The following EPM2A variants were observed in gnomAD, a reference collection of about 807,000 sequenced individuals.
EPM2A encodes the protein EPM2A glucan phosphatase, laforin.
A neutral mutation model predicts 26.5 loss-of-function variants in EPM2A; 21 were observed. The ratio of observed to expected loss-of-function variants is 0.79; its 90% CI spans 0.56 to 1.14. EPM2A has a LOEUF of 1.14. Ranked by LOEUF, EPM2A falls within the 50% of genes most tolerant of loss-of-function variation. The pLI, the probability that EPM2A is intolerant of heterozygous loss-of-function variation, is 0.00. For missense variants in EPM2A, 458 were observed against 440.8 expected (o/e 1.04, Z -0.35); for synonymous variants, 217 against 177.6 (o/e 1.22, Z -1.76).
intron 4 of EPM2A, among the ~76,000 whole-genome samples, chr6:145,453,207 G>A (rs993417231): frequency 6.6e-5 from 10 of 152,106 alleles, no homozygotes; most frequent in Admixed American, 3.3e-4. Flanking sequence ...ACAGCGTAAT[G>A]TCATCTTTAA....
chr6:145,512,940 T>C (rs1415430299), intron 2 of EPM2A, among the ~76,000 whole-genome samples: 4 of 151,808 alleles, frequency 2.6e-5, no homozygotes, highest in African/African-American at 9.7e-5. Context: ...GAACTAAACA[T>C]AAGACCTGAA....
At chr6:145,650,006 C>T (rs900587394) in intron 2 of EPM2A, among the ~76,000 whole-genome samples, 2 of 152,028 alleles carry the variant, frequency 1.3e-5, no homozygotes, top group East Asian at 3.9e-4. Flanking sequence ...AGAAAAGAAA[C>T]GTTCATCAAA....
chr6:145,660,933 C>G (rs755314450), intron 2 of EPM2A, among the ~76,000 whole-genome samples: 7 of 151,862 alleles, frequency 4.6e-5, no homozygotes, highest in Non-Finnish European at 8.8e-5. Context: ...ACTTGGACTT[C>G]AATCTCATAT....
At chr6:145,457,481 C>CAAAAA in intron 4 of EPM2A, among the ~76,000 whole-genome samples, 1 of 105,512 alleles carries the variant, frequency 9.5e-6, no homozygotes, top group African/African-American at 3.3e-5. Context: ...GACTCTGTCT[C>CAAAAA]AAAAAAAAAA....
intron 1 of EPM2A, among the ~76,000 whole-genome samples, chr6:145,726,424 CT>C (rs775346509): frequency 1.3e-5 from 2 of 152,078 alleles, no homozygotes; most frequent in Non-Finnish European, 2.9e-5. Context: ...CAGAACATAA[CT>C]TCTCACTTTT....
intron 2 of EPM2A, among the ~76,000 whole-genome samples, chr6:145,615,440 T>A: frequency 6.6e-6 from 1 of 152,116 alleles, no homozygotes; most frequent in East Asian, 1.9e-4. Flanking sequence ...CTCGGGTATG[T>A]CTTTATTAAC....
chr6:145,432,258 T>A (rs541206484), intron 4 of EPM2A, among the ~76,000 whole-genome samples: 1 of 152,222 alleles, frequency 6.6e-6, no homozygotes, highest in East Asian at 1.9e-4. Flanking sequence ...GCATCTAGAA[T>A]GAACTCTTTC....
intron 2 of EPM2A, among the ~76,000 whole-genome samples, chr6:145,593,212 A>T (rs538039191): frequency 1.2e-4 from 18 of 152,278 alleles, no homozygotes; most frequent in African/African-American, 4.3e-4. Flanking sequence ...ATAAAGGAGG[A>T]CATTACATAA....
intron 2 of EPM2A, among the ~76,000 whole-genome samples, chr6:145,677,437 A>G (rs1184200109): frequency 6.6e-6 from 1 of 152,206 alleles, no homozygotes; most frequent in Non-Finnish European, 1.5e-5. Context: ...GGCCAGGACA[A>G]TCAGGCAAGA....
chr6:145,716,556 C>T (rs1775634606), intron 1 of EPM2A, among the ~76,000 whole-genome samples: 1 of 152,296 alleles, frequency 6.6e-6, no homozygotes, highest in Non-Finnish European at 1.5e-5. Flanking sequence ...TCCTCCAGGT[C>T]TCAAGAAAGA....
At chr6:145,488,806 TC>T (rs1264771929) in intron 4 of EPM2A, among the ~76,000 whole-genome samples, 13 of 152,330 alleles carry the variant, frequency 8.5e-5, no homozygotes, top group African/African-American at 2.9e-4. Context: ...AGTGCAACTT[TC>T]AATCAAAATA....
Position 145,490,917 on chromosome 6 carries a change from A to T in EPM2A, c.555+11605T>A, listed in dbSNP as rs1211349801. ...AACAGTGCTAGAGCAGAATCATTAGAGGAACTTGTGTTCTGTGTGTACTTT... is the reference window on the plus strand; with the variant it reads ...AACAGTGCTAGAGCAGAATCATTAGTGGAACTTGTGTTCTGTGTGTACTTT... On this transcript the variant is annotated intron_variant, in intron 4 of 4. Coordinates refer to the EPM2A transcript ENST00000638717. The T allele has an allele frequency of 8.1e-6, 6 of 739,928 alleles. No homozygotes were observed. In the Admixed American group the frequency reaches 1.1e-4, roughly 14 times the overall value. 45.8% of individuals were successfully genotyped at this position (739,928 alleles called of 1,614,324 possible).
chr6:145,426,516 G>A (rs1252618240), intron 4 of EPM2A, among the ~76,000 whole-genome samples: 1 of 152,098 alleles, frequency 6.6e-6, no homozygotes, highest in Non-Finnish European at 1.5e-5. Flanking sequence ...GGATACTAAA[G>A]GGTTGAAAAT....
intron 2 of EPM2A, among the ~76,000 whole-genome samples, chr6:145,557,233 T>A (rs546691964): frequency 6.6e-6 from 1 of 152,054 alleles, no homozygotes; most frequent in Non-Finnish European, 1.5e-5. Flanking sequence ...GGCTGAAATA[T>A]AAGCTCAACT....
intron 2 of EPM2A, among the ~76,000 whole-genome samples, chr6:145,550,963 CT>C (rs2114804015): frequency 6.6e-6 from 1 of 152,058 alleles, no homozygotes; most frequent in South Asian, 2.1e-4. Context: ...GAATTTTTGA[CT>C]GTGCAGTGCT....
intron 2 of EPM2A, among the ~76,000 whole-genome samples, chr6:145,596,934 CCGGACTG>C (rs1187303590): frequency 3.7e-5 from 4 of 108,908 alleles, no homozygotes; most frequent in African/African-American, 1.6e-4. Flanking sequence ...GTCGCCCAGG[CCGGACTG>C]CGGACTGCAG....
At chr6:145,591,399 A>C (rs1198626650) in intron 2 of EPM2A, among the ~76,000 whole-genome samples, 2 of 152,166 alleles carry the variant, frequency 1.3e-5, no homozygotes, top group Non-Finnish European at 2.9e-5. Context: ...CTACATGTAG[A>C]CAGATCATCT....
chr6:145,566,891 T>C (rs1780890779), intron 2 of EPM2A, among the ~76,000 whole-genome samples: 1 of 152,246 alleles, frequency 6.6e-6, no homozygotes, highest in African/African-American at 2.4e-5. Flanking sequence ...GATGCCTGTG[T>C]CAAATTCATT....
At chr6:145,457,467 G>C (rs1407469989) in intron 4 of EPM2A, among the ~76,000 whole-genome samples, 2 of 139,854 alleles carry the variant, frequency 1.4e-5, no homozygotes, top group Admixed American at 7.4e-5. Flanking sequence ...CTGGGCACTA[G>C]AGTGACTCTG....
Sources: allele counts gnomAD v4.1 joint callset (sites outside exome capture counted in the v4.1 genomes callset), GRCh38; gene constraint gnomAD v4.1.1; transcripts MANE v1.5; gene names NCBI Gene and HGNC (gene_info 2026-07-23, HGNC 2026-07-21).